Variants in HERC3 observed in about 807,000 individuals in gnomAD.
HERC3 encodes HECT and RLD domain containing E3 ubiquitin protein ligase 3.
HERC3 carries 58 observed loss-of-function variants against 129.9 expected under a neutral mutation model. The observed-to-expected ratio is 0.45, with a 90% confidence interval of 0.36 to 0.56. The LOEUF (loss-of-function observed/expected upper bound fraction) is 0.56. Ranked by LOEUF, HERC3 falls within the 20% of genes least tolerant of loss-of-function variation. HERC3 has a pLI of 0.00. For synonymous variants in HERC3, 430 were observed against 451.0 expected (o/e 0.95, Z 0.59); for missense variants, 835 against 1,244.2 (o/e 0.67, Z 4.95).
chr4:88,685,216 C>T (rs978183679), intron 21 of HERC3, among the ~76,000 whole-genome samples: 1 of 152,132 alleles, frequency 6.6e-6, no homozygotes, highest in Non-Finnish European at 1.5e-5. Context: ...ACCAGAAATA[C>T]CATTTGACCC....
intron 3 of HERC3, among the ~76,000 whole-genome samples, chr4:88,626,714 A>T (rs572612128): frequency 3.9e-5 from 6 of 152,236 alleles, no homozygotes; most frequent in African/African-American, 1.4e-4. Context: ...TTGACATAAA[A>T]TTGTTTATAA....
chr4:88,703,903 TG>T (rs1735542216), intron 23 of HERC3, among the ~76,000 whole-genome samples, 194 bp from the exon 24 acceptor site: 1 of 151,938 alleles, frequency 6.6e-6, no homozygotes, highest in South Asian at 2.1e-4. Context: ...CTGAGGCACT[TG>T]GTGGAATGTT....
intron 3 of HERC3, among the ~76,000 whole-genome samples, chr4:88,640,130 G>A (rs1469345899): frequency 6.6e-6 from 1 of 152,212 alleles, no homozygotes; most frequent in Non-Finnish European, 1.5e-5. Flanking sequence ...CTGTTGGTGG[G>A]AGTGTAAATT....
chr4:88,563,048 G>T, the HERC3 span, among the ~76,000 whole-genome samples: 1 of 152,104 alleles, frequency 6.6e-6, no homozygotes, highest in Non-Finnish European at 1.5e-5. Flanking sequence ...AATGTCATTG[G>T]TATTTTGATA....
upstream of HERC3, chr4:88,592,273 G>C (rs1005776759): frequency 1.3e-5 from 2 of 152,204 alleles, no homozygotes; most frequent in Non-Finnish European, 2.9e-5. Flanking sequence ...CCGGGCCCTC[G>C]AGTCCTGTCA....
the HERC3 span, among the ~76,000 whole-genome samples, chr4:88,564,668 T>C: frequency 6.6e-6 from 1 of 152,094 alleles, no homozygotes; most frequent in Admixed American, 6.5e-5. Context: ...TGAGTTTATC[T>C]TTTCAAAAAA....
At chr4:88,548,686 A>T in the HERC3 span, among the ~76,000 whole-genome samples, 1 of 144,898 alleles carries the variant, frequency 6.9e-6, no homozygotes. Context: ...TTTGAGATGG[A>T]GTCTCACTCT....
intron 2 of HERC3, among the ~76,000 whole-genome samples, chr4:88,596,677 TA>T (rs949034554): frequency 2.0e-5 from 3 of 152,256 alleles, no homozygotes; most frequent in Non-Finnish European, 4.4e-5. Flanking sequence ...GAAGTATTTG[TA>T]AGCATAAAAT....
chr4:88,639,161 A>G (rs1403395774), intron 3 of HERC3, among the ~76,000 whole-genome samples: 1 of 152,198 alleles, frequency 6.6e-6, no homozygotes, highest in African/African-American at 2.4e-5. Flanking sequence ...AAATGGTCAT[A>G]CTGCCCAAAG....
intron 10 of HERC3, among the ~76,000 whole-genome samples, chr4:88,659,520 G>A (rs772112939): frequency 6.6e-6 from 1 of 152,232 alleles, no homozygotes; most frequent in Non-Finnish European, 1.5e-5. Context: ...TCCAGGTCAG[G>A]TGCCTGAAGA....
At position 88,676,227 on chromosome 4, in the gene HERC3, C is replaced by T. The variant is rs768682642; in HGVS notation, c.1921C>T (p.Pro641Ser). 6.4e-7 allele frequency: 1 copy of T among 1,570,008 alleles called. No homozygotes were observed. The highest frequency in any genetic ancestry group is 2.2e-5 in the East Asian group (1 of 44,542). Residue 641 changes from proline (P) to serine (S), a missense_variant, in exon 17 of 26, where the codon CCA (proline) becomes TCA (serine). By Grantham distance (74) the Pro-to-Ser change is moderately conservative. Coordinates refer to ENST00000402738, the MANE Select transcript of HERC3 (RefSeq NM_014606.3). ...FLHQAGMKAR[P>S]SIIQDTVTLC... is the part of the protein sequence containing the mutation. ...ATTTTTCTTTACACAGAAGGCTAGA[C>T]CATCAATAATACAGGTAAATGATCC...
chr4:88,658,417 C>A lies in HERC3; in HGVS notation c.1072C>A (p.Arg358Ser). ...HSGQLSARAD[R>S]FKYHIVKQIF... is the part of the protein sequence containing the mutation. ...TTTCGGAATTTTTTTTTTGACAGATCGCTTTAAATATCATATCGTTAAGCA... is the reference window on the plus strand; with the variant it reads ...TTTCGGAATTTTTTTTTTGACAGATAGCTTTAAATATCATATCGTTAAGCA... Residue 358 changes from arginine (R) to serine (S), a missense_variant and splice_region_variant, in exon 10 of 26, where the codon CGC becomes AGC. Coordinates refer to ENST00000402738, the MANE Select transcript of HERC3 (RefSeq NM_014606.3). The A allele has an allele frequency of 6.4e-7, 1 of 1,563,094 alleles. No individual in the cohort carries two copies. The highest frequency in any genetic ancestry group is 2.3e-5 in the East Asian group (1 of 43,932).
chr4:88,647,732 G>A (rs1380448755), intron 3 of HERC3, among the ~76,000 whole-genome samples: 4 of 150,464 alleles, frequency 2.7e-5, no homozygotes, highest in African/African-American at 9.8e-5. Context: ...TGCAAACTGT[G>A]TTCAGGTTAA....
rs1735890622 is a variant in HERC3, at chr4:88,707,716, C to T, written c.*756C>T. The T allele has an allele frequency of 6.6e-6, 1 of 152,250 alleles. No individual in the cohort carries two copies. Among genetic ancestry groups the T allele is most frequent in the South Asian group, 2.1e-4 (1 of 4,834 alleles). The allele number at this position is 152,250 out of a possible 1,614,324, so 9.4% of individuals were successfully genotyped here. On this transcript the variant is annotated 3_prime_UTR_variant, in exon 26 of 26. Coordinates refer to ENST00000402738, the MANE Select transcript of HERC3 (RefSeq NM_014606.3). Reference sequence around the variant, plus strand: ...AATTTTTTCTTGCTCATCCTTGTCCCTTTGACAATAAGGTTAATTGATAGA... The same window carrying T: ...AATTTTTTCTTGCTCATCCTTGTCCTTTTGACAATAAGGTTAATTGATAGA...
chr4:88,570,438 C>T, the HERC3 span, among the ~76,000 whole-genome samples: 3 of 152,188 alleles, frequency 2.0e-5, no homozygotes, highest in Non-Finnish European at 4.4e-5. Context: ...AACTTTATTA[C>T]ATTAAAAAAT....
At chr4:88,588,670 A>C (rs913613685), upstream of HERC3, among the ~76,000 whole-genome samples, 1 of 152,258 alleles carries the variant, frequency 6.6e-6, no homozygotes, top group African/African-American at 2.4e-5. Context: ...AAGTTTACCA[A>C]GTAAATATTT....
At chr4:88,640,657 G>A (rs994318354) in intron 3 of HERC3, among the ~76,000 whole-genome samples, 2 of 151,890 alleles carry the variant, frequency 1.3e-5, no homozygotes, top group African/African-American at 4.8e-5. Context: ...AATAGGTGCA[G>A]CAAACCACCA....
At chr4:88,527,271 A>G in the HERC3 span, 8 of 132,746 alleles carry the variant, frequency 6.0e-5, no homozygotes, top group South Asian at 1.9e-3. Flanking sequence ...TTTTTTTTTG[A>G]GACAGGATCT....
At chr4:88,637,747 C>A (rs1727590773) in intron 3 of HERC3, among the ~76,000 whole-genome samples, 1 of 152,094 alleles carries the variant, frequency 6.6e-6, no homozygotes, top group South Asian at 2.1e-4. Context: ...TAACTAAGAT[C>A]AGAGCGGAAC....
Sources: allele counts gnomAD v4.1 joint callset (sites outside exome capture counted in the v4.1 genomes callset), GRCh38; gene constraint gnomAD v4.1.1; transcripts MANE v1.5; gene names NCBI Gene and HGNC (gene_info 2026-07-23, HGNC 2026-07-21).